PRELID2: variants seen among roughly 807,000 people sequenced by gnomAD.
PRELID2 encodes PRELI domain-containing protein 2.
In PRELID2, 25 loss-of-function variants were observed where a neutral mutation model predicts 28.4. The observed-to-expected ratio is 0.88, with a 90% CI of 0.64 to 1.23. PRELID2 has a LOEUF of 1.23. PRELID2 is among the 50% of genes most tolerant of loss of function. PRELID2 has a pLI of 0.00. For missense variants in PRELID2, 201 were observed against 214.4 expected (o/e 0.94, Z 0.39); for synonymous variants, 76 against 71.6 (o/e 1.06, Z -0.31).
intron 5 of PRELID2, among the ~76,000 whole-genome samples, chr5:145,766,286 C>T (rs1374217168): frequency 6.6e-6 from 1 of 152,030 alleles, no homozygotes; most frequent in African/African-American, 2.4e-5. Flanking sequence ...AGGCCCCTCC[C>T]AGGAAAATTC....
intron 1 of PRELID2, among the ~76,000 whole-genome samples, chr5:145,500,233 T>G (rs1205372577): frequency 6.6e-6 from 1 of 152,094 alleles, no homozygotes; most frequent in Non-Finnish European, 1.5e-5. Context: ...CCCCTTGCTA[T>G]TCTCATGATA....
At chr5:145,651,612 C>A (rs192046188) in intron 1 of PRELID2, among the ~76,000 whole-genome samples, 4 of 152,344 alleles carry the variant, frequency 2.6e-5, no homozygotes, top group Admixed American at 2.0e-4. Context: ...ATTCGCTGTT[C>A]TGCAGCCTCT....
chr5:145,307,660 A>T, the PRELID2 span, among the ~76,000 whole-genome samples: 1 of 152,174 alleles, frequency 6.6e-6, no homozygotes, highest in South Asian at 2.1e-4. Context: ...CAGGTCATTC[A>T]GTTCAGCATG....
At chr5:145,501,528 G>A (rs1490266076) in intron 1 of PRELID2, among the ~76,000 whole-genome samples, 5 of 152,130 alleles carry the variant, frequency 3.3e-5, no homozygotes, top group Non-Finnish European at 5.9e-5. Flanking sequence ...CTTGTGGTGT[G>A]AATAAGTCTC....
At chr5:145,339,112 T>G in the PRELID2 span, among the ~76,000 whole-genome samples, 1 of 152,148 alleles carries the variant, frequency 6.6e-6, no homozygotes, top group Non-Finnish European at 1.5e-5. Flanking sequence ...CTACAGAACT[T>G]AAGAATTGAC....
At chr5:145,677,620 T>C (rs1754846100) in intron 1 of PRELID2, among the ~76,000 whole-genome samples, 2 of 152,336 alleles carry the variant, frequency 1.3e-5, no homozygotes, top group Middle Eastern at 3.4e-3. Context: ...CTGGGTGACA[T>C]ATTCATCTAA....
At chr5:145,351,621 C>T in the PRELID2 span, among the ~76,000 whole-genome samples, 1 of 152,124 alleles carries the variant, frequency 6.6e-6, no homozygotes, top group Admixed American at 6.6e-5. Flanking sequence ...CATGTCCTCA[C>T]ATTTCAAAAC....
Position 145,819,944 on chromosome 5 carries a change from C to A in PRELID2, c.207+1G>T, listed in dbSNP as rs200791639. 6.4e-7 allele frequency: 1 copy of A among 1,569,474 alleles called. No homozygotes were observed. The highest frequency in any genetic ancestry group is 2.2e-5 in the East Asian group (1 of 44,532). The stretch of plus-strand genomic sequence containing the variant: ...GTGATTACATTTTAAAATGAACTTA[C>A]CTTCCTTAAAATTTCTGGAACCACG... On this transcript the variant is annotated splice_donor_variant, in intron 3 of 6. Transcript: ENST00000683046. LOFTEE classifies it high-confidence loss of function.
chr5:145,536,272 A>G (rs1408092591), intron 1 of PRELID2, among the ~76,000 whole-genome samples: 1 of 151,996 alleles, frequency 6.6e-6, no homozygotes, highest in East Asian at 1.9e-4. Flanking sequence ...AAATCTTGAA[A>G]GTGCCAAAGC....
chr5:145,668,365 TAAAAA>T (rs200831248), intron 1 of PRELID2, among the ~76,000 whole-genome samples: 1 of 141,916 alleles, frequency 7.0e-6, no homozygotes, highest in South Asian at 2.3e-4. Flanking sequence ...TGAAGGTGGT[TAAAAA>T]AAAAAAAAAG....
intron 1 of PRELID2, among the ~76,000 whole-genome samples, chr5:145,600,891 C>T (rs899776760): frequency 6.6e-6 from 1 of 152,110 alleles, no homozygotes; most frequent in African/African-American, 2.4e-5. Context: ...ATGGCTTATT[C>T]CTTTAATCCC....
At chr5:145,551,269 C>T (rs541680623) in intron 1 of PRELID2, among the ~76,000 whole-genome samples, 3 of 151,968 alleles carry the variant, frequency 2.0e-5, no homozygotes, top group African/African-American at 7.2e-5. Context: ...GGTGTGGTGG[C>T]GCGTGTCTGT....
chr5:145,618,753 T>A (rs568727042), intron 1 of PRELID2, among the ~76,000 whole-genome samples: 1 of 152,092 alleles, frequency 6.6e-6, no homozygotes, highest in Non-Finnish European at 1.5e-5. Context: ...CTCAAGTATA[T>A]ATGCCCTTTG....
chr5:145,372,273 C>T, the PRELID2 span, among the ~76,000 whole-genome samples: 1 of 152,018 alleles, frequency 6.6e-6, no homozygotes, highest in Admixed American at 6.6e-5. Context: ...GTTTCTTAAT[C>T]CTGAGTTCTA....
At chr5:145,768,599 T>A (rs1382745456) in intron 5 of PRELID2, among the ~76,000 whole-genome samples, 1 of 152,180 alleles carries the variant, frequency 6.6e-6, no homozygotes, top group Non-Finnish European at 1.5e-5. Flanking sequence ...AAGCTTCTAT[T>A]TACAGAGTAG....
At chr5:145,737,641 G>A (rs1268200019) in intron 1 of PRELID2, among the ~76,000 whole-genome samples, 1 of 152,132 alleles carries the variant, frequency 6.6e-6, no homozygotes, top group Admixed American at 6.5e-5. Flanking sequence ...AAAAGACCAG[G>A]AAAGAAGCAG....
chr5:145,314,996 G>C, the PRELID2 span, among the ~76,000 whole-genome samples: 1 of 150,630 alleles, frequency 6.6e-6, no homozygotes, highest in African/African-American at 2.4e-5. Flanking sequence ...ATCTTAAAAG[G>C]TAAGTAAATT....
intron 1 of PRELID2, among the ~76,000 whole-genome samples, chr5:145,683,826 TG>T (rs1754984803): frequency 6.6e-6 from 1 of 152,146 alleles, no homozygotes; most frequent in Non-Finnish European, 1.5e-5. Context: ...GGGGGCTGCT[TG>T]GTCACTGGCC....
chr5:145,403,950 T>C, the PRELID2 span, among the ~76,000 whole-genome samples: 3 of 152,184 alleles, frequency 2.0e-5, no homozygotes, highest in African/African-American at 7.2e-5. Flanking sequence ...ATTAGGACAG[T>C]GCATCTTTTC....
Sources: allele counts gnomAD v4.1 joint callset (sites outside exome capture counted in the v4.1 genomes callset), GRCh38; gene constraint gnomAD v4.1.1; transcripts MANE v1.5; gene names NCBI Gene and HGNC (gene_info 2026-07-23, HGNC 2026-07-21).